Variants in SLC12A2 observed in about 807,000 individuals in gnomAD.
SLC12A2 encodes solute carrier family 12 member 2.
Under a neutral mutation model 136.3 loss-of-function variants are expected in SLC12A2, and 67 were observed. The observed-to-expected ratio is 0.49, with a 90% CI of 0.40 to 0.60. SLC12A2 has a LOEUF of 0.60. Among genes scored for constraint, SLC12A2 ranks in the 20% least tolerant of loss-of-function variants. The pLI is 0.00. For synonymous variants in SLC12A2, 619 were observed against 562.9 expected, an observed-to-expected ratio of 1.10 and a Z score of -1.41; for missense variants, 1,322 against 1,534.7, an observed-to-expected ratio of 0.86 and a Z score of 2.32.
At chr5:128,152,966 T>C (rs1485197078) in intron 15 of SLC12A2, among the ~76,000 whole-genome samples, 161 bp downstream of exon 15, 2 of 152,226 alleles carry the variant, frequency 1.3e-5, no homozygotes, top group African/African-American at 2.4e-5. Flanking sequence ...AATATCTACC[T>C]TAAAAAATGT....
intron 23 of SLC12A2, 146 bp from the exon 24 acceptor site, chr5:128,182,705 GTGAA>G: frequency 1.8e-6 from 1 of 542,248 alleles, no homozygotes; most frequent in Non-Finnish European, 3.3e-6. Flanking sequence ...AGTCTACTTT[GTGAA>G]TGAATGGTGT....
At chr5:128,127,936 G>A (rs1761878072) in intron 4 of SLC12A2, among the ~76,000 whole-genome samples, 2 of 151,642 alleles carry the variant, frequency 1.3e-5, no homozygotes, top group Admixed American at 6.6e-5. Flanking sequence ...GAAGTTAGAA[G>A]CTTAGATTAT....
At position 128,156,943 on chromosome 5, in the gene SLC12A2, G is replaced by A. The variant is rs185320110; in HGVS notation, c.2364-1110G>A. Among the ~76,000 whole-genome samples the A allele has an allele frequency of 2.6e-5, 4 of 152,264 alleles. No homozygotes were observed. The East Asian group carries it at 5.8e-4, about 22-fold the overall frequency. ...TCCTAGGAAGGCTAGGAAATATACT[G>A]TCTGGCTAAGGAGTTAATGTAACTT... On this transcript the variant is annotated intron_variant, in intron 15 of 26. Transcript: ENST00000262461.
chr5:128,103,890 G>A (rs1380509062), intron 1 of SLC12A2, among the ~76,000 whole-genome samples: 1 of 152,068 alleles, frequency 6.6e-6, no homozygotes, highest in Non-Finnish European at 1.5e-5. Context: ...TAAAATTCAA[G>A]GAAAATTAAA....
At chr5:128,089,398 A>G (rs553821682) in intron 1 of SLC12A2, among the ~76,000 whole-genome samples, 2 of 151,106 alleles carry the variant, frequency 1.3e-5, no homozygotes, top group African/African-American at 2.4e-5. Flanking sequence ...GACCCTGTCT[A>G]AAAAAAAATA....
chr5:128,135,860 A>T (rs374869158), intron 7 of SLC12A2, 52 bp downstream of exon 7: 1 of 976,324 alleles, frequency 1.0e-6, no homozygotes, highest in Non-Finnish European at 1.6e-6. Flanking sequence ...ATAGAATTCT[A>T]TCATCAATTA....
intron 10 of SLC12A2, among the ~76,000 whole-genome samples, chr5:128,145,886 A>C (rs1028493520): frequency 6.6e-6 from 1 of 152,050 alleles, no homozygotes; most frequent in Non-Finnish European, 1.5e-5. Context: ...TAAATGAAAG[A>C]TAAAATCTCC....
At chr5:128,140,616 C>A (rs894083374) in intron 9 of SLC12A2, among the ~76,000 whole-genome samples, 1 of 152,062 alleles carries the variant, frequency 6.6e-6, no homozygotes, top group African/African-American at 2.4e-5. Flanking sequence ...ATAGGGGTAA[C>A]CCCTTGATGC....
chr5:128,147,585 G>C (rs752558085), intron 10 of SLC12A2, 37 bp from the exon 11 acceptor site: 4 of 1,318,570 alleles, frequency 3.0e-6, no homozygotes, highest in Non-Finnish European at 4.4e-6. Context: ...AATTGTTTGT[G>C]AGATTTATTT....
At chr5:128,128,805 T>TA (rs74617853) in intron 4 of SLC12A2, among the ~76,000 whole-genome samples, 23,497 of 138,204 alleles carry the variant, frequency 0.17, 2,573 homozygotes, top group African/African-American at 0.33. Context: ...GGTAGATCTT[T>TA]AAAAAAAAAA....
chr5:128,123,854 T>G (rs1761679841), intron 4 of SLC12A2, among the ~76,000 whole-genome samples: 1 of 152,218 alleles, frequency 6.6e-6, no homozygotes, highest in South Asian at 2.1e-4. Context: ...CTAAGAAACC[T>G]TTCCCTAGCC....
At chr5:128,156,992 A>G (rs1344361839) in intron 15 of SLC12A2, among the ~76,000 whole-genome samples, 1 of 152,178 alleles carries the variant, frequency 6.6e-6, no homozygotes, top group Non-Finnish European at 1.5e-5. Flanking sequence ...AGTCTGGGGC[A>G]TGATTTCATG....
intron 9 of SLC12A2, among the ~76,000 whole-genome samples, chr5:128,140,611 G>T (rs1308428645): frequency 1.3e-5 from 2 of 149,918 alleles, no homozygotes; most frequent in African/African-American, 5.1e-5. Context: ...GAGCAATAGG[G>T]GTAACCCCTT....
intron 2 of SLC12A2, 95 bp from the exon 3 acceptor site, chr5:128,114,117 C>CTGTAG: frequency 1.2e-6 from 1 of 854,206 alleles, no homozygotes; most frequent in Non-Finnish European, 1.9e-6. Context: ...TCTGTAGTTT[C>CTGTAG]AAATGCATGT....
At chr5:128,087,454 G>A (rs1348027928) in intron 1 of SLC12A2, among the ~76,000 whole-genome samples, 1 of 152,192 alleles carries the variant, frequency 6.6e-6, no homozygotes, top group Non-Finnish European at 1.5e-5. Context: ...TTTTAATTGG[G>A]TTTTGGGAAG....
chr5:128,111,850 A>G (rs986312691), intron 1 of SLC12A2, among the ~76,000 whole-genome samples: 2 of 151,896 alleles, frequency 1.3e-5, no homozygotes, highest in African/African-American at 4.8e-5. Context: ...ATGGAGAGAG[A>G]GAATTCACTA....
At chr5:128,086,679 G>T (rs1760110373) in intron 1 of SLC12A2, among the ~76,000 whole-genome samples, 1 of 151,990 alleles carries the variant, frequency 6.6e-6, no homozygotes. Flanking sequence ...CTGTTTTATT[G>T]GCTTAACTAA....
At chr5:128,089,767 CTT>C (rs1292838437) in intron 1 of SLC12A2, among the ~76,000 whole-genome samples, 2 of 152,312 alleles carry the variant, frequency 1.3e-5, no homozygotes, top group South Asian at 4.1e-4. Context: ...TTAACAAGGA[CTT>C]TAAGTAAAAC....
At chr5:128,101,724 G>T (rs554804881) in intron 1 of SLC12A2, among the ~76,000 whole-genome samples, 13 of 152,284 alleles carry the variant, frequency 8.5e-5, no homozygotes, top group Non-Finnish European at 5.9e-5. Flanking sequence ...TGTAAAGTGT[G>T]TATCAGTGCC....
Sources: gnomAD v4.1 joint callset for allele counts (sites outside exome capture counted in the v4.1 genomes callset) on GRCh38, gnomAD v4.1.1 for gene constraint, MANE v1.5 for transcripts, NCBI Gene and HGNC (gene_info 2026-07-23, HGNC 2026-07-21) for gene names.